Variants in ATP6V1B1 observed in about 807,000 individuals in gnomAD.
ATP6V1B1 encodes ATPase H+ transporting V1 subunit B1.
A neutral mutation model predicts 62.1 loss-of-function variants in ATP6V1B1; 41 were observed. That is an observed-to-expected ratio of 0.66 (90% CI 0.51 to 0.86). The LOEUF is 0.86. Among genes scored for constraint, ATP6V1B1 ranks in the 40% least tolerant of loss-of-function variants. The pLI, the probability that ATP6V1B1 is intolerant of heterozygous loss-of-function variation, is 0.00. For synonymous variants in ATP6V1B1, 253 were observed against 273.4 expected (o/e 0.93, Z 0.74); for missense variants, 651 against 697.5 (o/e 0.93, Z 0.75).
intron 1 of ATP6V1B1, chr2:70,941,744 A>C: frequency 2.0e-6 from 2 of 985,746 alleles, no homozygotes; most frequent in South Asian, 9.4e-5. Context: ...CAGATCTCAG[A>C]GGAAAGGAGA....
At chr2:70,962,708 C>T (rs1278078380) in intron 8 of ATP6V1B1, 69 bp from the exon 9 acceptor site, 3 of 1,603,618 alleles carry the variant, frequency 1.9e-6, no homozygotes, top group Non-Finnish European at 1.7e-6. Context: ...ACCTTGCGCT[C>T]AGCCCCCAGG....
rs782755114 is a variant in ATP6V1B1 at position 70,936,083 on chromosome 2, C to A, written c.118+11C>A. On this transcript the variant is annotated intron_variant, in intron 1 of 13. Transcript: ENST00000234396. The stretch of plus-strand genomic sequence containing the variant: ...CCCACCCCCGTGTCAGTGAGTAGCC[C>A]CTCCACCGTGACGGGTGAGGTCAGG... The A allele has an allele frequency of 3.1e-6, 5 of 1,613,420 alleles. No individual in the cohort carries two copies. Among genetic ancestry groups the A allele is most frequent in the Non-Finnish European group, 4.2e-6 (5 of 1,179,420 alleles).
intron 1 of ATP6V1B1, chr2:70,941,354 G>A: frequency 1.0e-6 from 1 of 985,628 alleles, no homozygotes; most frequent in Middle Eastern, 5.2e-4. Flanking sequence ...GTGCATGCCA[G>A]CCCACTGCCC....
chr2:70,954,704 A>G (rs1022947287), intron 2 of ATP6V1B1, among the ~76,000 whole-genome samples: 1 of 151,804 alleles, frequency 6.6e-6, no homozygotes, highest in Non-Finnish European at 1.5e-5. Flanking sequence ...GCTGATCTCA[A>G]CCTCCTAGGT....
intron 2 of ATP6V1B1, among the ~76,000 whole-genome samples, chr2:70,952,543 G>A (rs1680345773): frequency 6.6e-6 from 1 of 151,694 alleles, no homozygotes; most frequent in Non-Finnish European, 1.5e-5. Context: ...AATCTTATAG[G>A]ATTCTTTTTT....
chr2:70,940,769 G>A, intron 1 of ATP6V1B1: 2 of 985,550 alleles, frequency 2.0e-6, no homozygotes, highest in Non-Finnish European at 2.4e-6. Flanking sequence ...ATTTGGTTTG[G>A]AGGCTTGGGA....
chr2:70,954,908 C>A (rs1216300456), intron 2 of ATP6V1B1, among the ~76,000 whole-genome samples: 2 of 152,168 alleles, frequency 1.3e-5, no homozygotes, highest in South Asian at 4.1e-4. Context: ...GAAGAAGGTG[C>A]AGGTATGGGG....
rs782039250 is a variant in ATP6V1B1, at chr2:70,963,157, T to C, written c.910-5T>C. On this transcript the variant is annotated splice_polypyrimidine_tract_variant and splice_region_variant and intron_variant, in intron 9 of 13. Transcript: ENST00000234396. The surrounding 1 kb of genome is among the most constrained non-coding windows in gnomAD (Gnocchi z 4.3). Reference sequence around the variant, plus strand: ...TTCTTACCCCAGTGCCCATGGATATTGCAGGTCTCTGCTGCTAGAGAGGAG... The same window carrying C: ...TTCTTACCCCAGTGCCCATGGATATCGCAGGTCTCTGCTGCTAGAGAGGAG... The C allele has an allele frequency of 6.2e-7, 1 of 1,614,082 alleles. No individual in the cohort carries two copies. Among genetic ancestry groups the C allele is most frequent in the Non-Finnish European group, 8.5e-7 (1 of 1,180,018 alleles).
rs202215158 is a variant in ATP6V1B1 at position 70,961,005 on chromosome 2, G to A, written c.670G>A (p.Val224Ile). Residue 224 changes from valine to isoleucine, a missense_variant, in exon 7 of 14, where the codon GTC (valine) becomes ATC (isoleucine). Val to Ile is a conservative substitution (Grantham distance 29, BLOSUM62 3). Coordinates refer to ENST00000234396, the MANE Select transcript of ATP6V1B1 (RefSeq NM_001692.4). Reference sequence around the variant, plus strand: ...TTACCATGACGACAACTTCGCCATCGTCTTTGCAGCCATGGGGGTGAGGAG... The same window carrying A: ...TTACCATGACGACAACTTCGCCATCATCTTTGCAGCCATGGGGGTGAGGAG... ...LDYHDDNFAIVFAAMGVNMET... is the reference protein window; with the variant it reads ...LDYHDDNFAIIFAAMGVNMET... 1.6e-4 allele frequency: 261 copies of A among 1,592,920 alleles called. No homozygotes were observed. Among genetic ancestry groups the A allele is most frequent in the African/African-American group, 3.4e-4 (25 of 74,510 alleles).
At chr2:70,941,164 C>A in intron 1 of ATP6V1B1, 1 of 712,588 alleles carries the variant, frequency 1.4e-6, no homozygotes, top group Non-Finnish European at 1.7e-6. Context: ...GTGATCCACC[C>A]ACCTCAGCCT....
intron 2 of ATP6V1B1, among the ~76,000 whole-genome samples, chr2:70,950,904 G>T (rs901206038): frequency 2.1e-5 from 3 of 139,548 alleles, no homozygotes; most frequent in Non-Finnish European, 4.6e-5. Context: ...CTCTCCATGT[G>T]TGACTGTGTG....
At chr2:70,938,666 A>G (rs1679915245) in intron 1 of ATP6V1B1, 6 of 985,190 alleles carry the variant, frequency 6.1e-6, no homozygotes, top group Admixed American at 6.2e-5. Context: ...GCCAACATCT[A>G]CCTTGGGAAA....
rs112442277 is a variant in ATP6V1B1 at position 70,960,060 on chromosome 2, C to T, written c.567C>T (p.Ala189=). The T allele has an allele frequency of 9.9e-5, 160 of 1,614,184 alleles. 2 individuals carry two copies. The highest frequency in any genetic ancestry group is 5.0e-4 in the Middle Eastern group (3 of 6,060). Residue 189 remains alanine (A), a synonymous_variant, in exon 6 of 14, where the codon GCC becomes GCT. Coordinates refer to ENST00000234396, the MANE Select transcript of ATP6V1B1 (RefSeq NM_001692.4). The stretch of plus-strand genomic sequence containing the variant: ...AGAAGATCCCCATCTTCTCAGCAGC[C>T]GGGCTCCCCCACAATGAGGTGAGGC... ...RGQKIPIFSA[A]GLPHNEIAAQ...
At position 70,961,634 on chromosome 2, in the gene ATP6V1B1, T is replaced by C. The variant is rs140131920; in HGVS notation, c.726T>C (p.Phe242=). The C allele has an allele frequency of 1.9e-5, 30 of 1,614,134 alleles. No individual in the cohort carries two copies. The highest frequency in any genetic ancestry group is 2.5e-5 in the Non-Finnish European group (29 of 1,180,052). Residue 242 remains phenylalanine (F), a synonymous_variant, in exon 8 of 14, where the codon TTT becomes TTC. Transcript: ENST00000234396. ...METARFFKSD[F]EQNGTMGNVC... is the part of the protein sequence containing the mutation. The stretch of plus-strand genomic sequence containing the variant: ...CAGCCAGATTCTTCAAGTCTGACTT[T>C]GAGCAGAATGGAACCATGGGGAACG...
At chr2:70,964,304 A>G in intron 11 of ATP6V1B1, 134 bp from the exon 12 acceptor site, 1 of 861,476 alleles carries the variant, frequency 1.2e-6, no homozygotes, top group Non-Finnish European at 1.9e-6. Flanking sequence ...TGTGGGAGAT[A>G]AGAGAGGGTG....
chr2:70,943,469 G>C (rs1680059370), intron 1 of ATP6V1B1, 189 bp from the exon 2 acceptor site: 2 of 715,892 alleles, frequency 2.8e-6, no homozygotes, highest in Non-Finnish European at 5.0e-6. Context: ...CCGAGCAGCA[G>C]GGGCCCTGCG....
At chr2:70,960,812 C>A in intron 6 of ATP6V1B1, 109 bp from the exon 7 acceptor site, 1 of 636,366 alleles carries the variant, frequency 1.6e-6, no homozygotes, top group Non-Finnish European at 2.6e-6. Flanking sequence ...GCCCCCTCAC[C>A]TCTCTGGGCT....
Position 70,959,101 on chromosome 2 carries a change from T to G in ATP6V1B1, c.445+6T>G. 6.2e-7 allele frequency: 1 copy of G among 1,613,926 alleles called. No homozygotes were observed. The highest frequency in any genetic ancestry group is 8.5e-7 in the Non-Finnish European group (1 of 1,179,954). ...GGACTTTCTGGATATCAATGGTGAG[T>G]GACTGGAGGTTCTGGATGGCTTCGG... On this transcript the variant is annotated splice_donor_region_variant and intron_variant, in intron 5 of 13. Coordinates refer to ENST00000234396, the MANE Select transcript of ATP6V1B1 (RefSeq NM_001692.4). The surrounding 1 kb of genome is among the most constrained non-coding windows in gnomAD (Gnocchi z 4.2).
At chr2:70,954,793 T>C (rs1680397403) in intron 2 of ATP6V1B1, among the ~76,000 whole-genome samples, 1 of 152,192 alleles carries the variant, frequency 6.6e-6, no homozygotes, top group Middle Eastern at 3.2e-3. Flanking sequence ...CCATTAATTT[T>C]AGTTGGATTA....
Sources: allele counts gnomAD v4.1 joint callset (sites outside exome capture counted in the v4.1 genomes callset), GRCh38; gene constraint gnomAD v4.1.1; non-coding constraint Gnocchi (gnomAD v3.1); transcripts MANE v1.5; gene names NCBI Gene and HGNC (gene_info 2026-07-23, HGNC 2026-07-21).